UBE2V2: variants seen among roughly 807,000 people sequenced by gnomAD.
UBE2V2 encodes ubiquitin-conjugating enzyme E2 variant 2.
UBE2V2 carries 9 observed loss-of-function variants against 17.2 expected under a neutral mutation model. The observed-to-expected ratio is 0.52, with a 90% CI of 0.32 to 0.91. The LOEUF is 0.91. UBE2V2 is among the 40% of genes least tolerant of loss of function. UBE2V2 has a pLI of 0.04. For missense variants in UBE2V2, 133 were observed against 182.6 expected (o/e 0.73, Z 1.56); for synonymous variants, 61 against 57.5 (o/e 1.06, Z -0.28).
chr8:48,001,102 T>C, the UBE2V2 span, among the ~76,000 whole-genome samples: 1 of 152,092 alleles, frequency 6.6e-6, no homozygotes, highest in African/African-American at 2.4e-5. Context: ...TATTGAGCTC[T>C]CACACTCTGG....
At chr8:48,040,729 C>T (rs151025111) in intron 1 of UBE2V2, among the ~76,000 whole-genome samples, 2 of 151,542 alleles carry the variant, frequency 1.3e-5, no homozygotes, top group African/African-American at 2.4e-5. Flanking sequence ...TGGGTTCAAG[C>T]GATTCTGCAG....
chr8:48,023,609 C>T (rs960697777), intron 1 of UBE2V2, among the ~76,000 whole-genome samples: 8 of 152,082 alleles, frequency 5.3e-5, no homozygotes, highest in Non-Finnish European at 8.8e-5. Context: ...TAGTGGCTTA[C>T]GCCTGTAATC....
Position 48,035,674 on chromosome 8 carries a change from CTTTTTTTTTTTT to C in UBE2V2, c.17-7349_17-7338del, listed in dbSNP as rs11363680. 3.0e-4 allele frequency among the ~76,000 whole-genome samples: 8 copies of C among 26,966 alleles called. No homozygotes were observed. In the East Asian group the frequency reaches 0.012, roughly 40 times the overall value. 17.7% of individuals were successfully genotyped at this position (26,966 alleles called of 152,430 possible). ...GTGTGTGTGTGTATATGTATGTATG[CTTTTTTTTTTTT>C]TTTTTTTTTGAGACTGGGCCCGGGT... On this transcript the variant is annotated intron_variant, in intron 1 of 3. Coordinates refer to ENST00000523111, the MANE Select transcript of UBE2V2 (RefSeq NM_003350.3).
chr8:48,060,388 A>T (rs1376865347), intron 3 of UBE2V2, among the ~76,000 whole-genome samples: 1 of 151,948 alleles, frequency 6.6e-6, no homozygotes, highest in African/African-American at 2.4e-5. Flanking sequence ...TTTTGACCTT[A>T]CTCCATTAAG....
At chr8:48,048,690 G>GTT (rs139181636) in intron 2 of UBE2V2, among the ~76,000 whole-genome samples, 3,410 of 152,046 alleles carry the variant, frequency 0.022, 99 homozygotes, top group East Asian at 0.084. Context: ...TGTTGCATAG[G>GTT]TTTTACATTA....
chr8:48,017,961 G>A (rs532753974), intron 1 of UBE2V2, among the ~76,000 whole-genome samples: 1 of 149,648 alleles, frequency 6.7e-6, no homozygotes, highest in East Asian at 2.0e-4. Flanking sequence ...TCAGCCTCCC[G>A]AGTAGCTGGG....
chr8:48,061,135 A>C lies in UBE2V2; in HGVS notation c.*307A>C, dbSNP rs921305078. On this transcript the variant is annotated 3_prime_UTR_variant, in exon 4 of 4. Transcript: ENST00000523111. The stretch of plus-strand genomic sequence containing the variant: ...GTGGAGAAGTGTCAGATGGCAGTGG[A>C]AGCATGTGTGTTTCTAAAAAGTAAA... The C allele has an allele frequency of 1.6e-5, 3 of 187,552 alleles. No homozygotes were observed. The highest frequency in any genetic ancestry group is 2.2e-5 in the Non-Finnish European group (2 of 91,494). 11.6% of individuals were successfully genotyped at this position (187,552 alleles called of 1,614,324 possible). A position where few individuals can be genotyped will look rare whatever the true frequency, so the allele number is the denominator to read the frequency against.
rs1268786500 is a variant in UBE2V2, at chr8:48,061,566, C to T, written c.*738C>T. ...ATGTAAATAAAATGTGAAACGTGTC[C>T]TCAGAGACTGTGCCATTTCTATTAT... On this transcript the variant is annotated 3_prime_UTR_variant, in exon 4 of 4. Transcript: ENST00000523111. 1 of 152,508 alleles carries T rather than the reference C, an allele frequency of 6.6e-6. No individual in the cohort carries two copies. The highest frequency in any genetic ancestry group is 1.5e-5 in the Non-Finnish European group (1 of 68,026). The allele number at this position is 152,508 out of a possible 1,614,324, so 9.4% of individuals were successfully genotyped here. A position where few individuals can be genotyped will look rare whatever the true frequency, so the allele number is the denominator to read the frequency against.
At chr8:48,041,296 A>G (rs1206017614) in intron 1 of UBE2V2, among the ~76,000 whole-genome samples, 1 of 151,592 alleles carries the variant, frequency 6.6e-6, no homozygotes. Context: ...AGTCTGGCCA[A>G]CACGGTGAAA....
At chr8:48,011,923 C>G (rs2091234771) in intron 1 of UBE2V2, among the ~76,000 whole-genome samples, 1 of 152,184 alleles carries the variant, frequency 6.6e-6, no homozygotes, top group Admixed American at 6.6e-5. Context: ...GTTAGGATTA[C>G]AGGTTTGAGC....
intron 3 of UBE2V2, among the ~76,000 whole-genome samples, chr8:48,055,287 C>T (rs1277255413): frequency 6.6e-6 from 1 of 151,490 alleles, no homozygotes; most frequent in African/African-American, 2.4e-5. Context: ...GCAACCTCCG[C>T]CTCCTGGGTT....
chr8:48,054,496 A>AG (rs2091559885), intron 3 of UBE2V2, among the ~76,000 whole-genome samples: 1 of 151,396 alleles, frequency 6.6e-6, no homozygotes, highest in Non-Finnish European at 1.5e-5. Flanking sequence ...GTGTGTATAG[A>AG]GGGTTGTGGG....
intron 1 of UBE2V2, among the ~76,000 whole-genome samples, chr8:48,031,979 T>C (rs2091386454): frequency 6.6e-6 from 1 of 152,238 alleles, no homozygotes; most frequent in South Asian, 2.1e-4. Flanking sequence ...ATTTCATCAA[T>C]TCTAAAACAC....
chr8:48,048,150 C>G (rs2091511926), intron 2 of UBE2V2, among the ~76,000 whole-genome samples: 1 of 152,092 alleles, frequency 6.6e-6, no homozygotes. Context: ...TTGCGCTTTC[C>G]CACACCTGAG....
chr8:48,045,251 A>C (rs1291657422), intron 2 of UBE2V2, among the ~76,000 whole-genome samples: 1 of 152,204 alleles, frequency 6.6e-6, no homozygotes, highest in Non-Finnish European at 1.5e-5. Flanking sequence ...AAAGCATACA[A>C]ATTTATTTAA....
intron 1 of UBE2V2, among the ~76,000 whole-genome samples, chr8:48,033,635 G>A (rs939739634): frequency 1.3e-5 from 2 of 151,978 alleles, no homozygotes; most frequent in African/African-American, 4.8e-5. Context: ...TGTGGCAAGA[G>A]CAAAAATCCT....
intron 2 of UBE2V2, among the ~76,000 whole-genome samples, chr8:48,044,751 C>A (rs750937750): frequency 6.6e-6 from 1 of 152,084 alleles, no homozygotes; most frequent in Non-Finnish European, 1.5e-5. Context: ...TTAAAAAAAG[C>A]GCTTATAATT....
chr8:48,053,375 A>G (rs986276559), intron 3 of UBE2V2, among the ~76,000 whole-genome samples: 2 of 151,796 alleles, frequency 1.3e-5, no homozygotes, highest in Non-Finnish European at 2.9e-5. Context: ...TCCTTCACCT[A>G]GCTTTGTCAA....
chr8:48,028,888 C>G (rs1044200197), intron 1 of UBE2V2, among the ~76,000 whole-genome samples: 4 of 152,120 alleles, frequency 2.6e-5, no homozygotes, highest in Non-Finnish European at 4.4e-5. Flanking sequence ...GTATGGTTTG[C>G]AAGTATTTTC....
Sources: gnomAD v4.1 joint callset for allele counts (sites outside exome capture counted in the v4.1 genomes callset) on GRCh38, gnomAD v4.1.1 for gene constraint, MANE v1.5 for transcripts, NCBI Gene and HGNC (gene_info 2026-07-23, HGNC 2026-07-21) for gene names.